METTL15: variants seen among roughly 807,000 people sequenced by gnomAD.
METTL15 encodes the protein methyltransferase 15, mitochondrial 12S rRNA N4-cytidine.
A neutral mutation model predicts 38.3 loss-of-function variants in METTL15; 34 were observed. That is an observed-to-expected ratio of 0.89 (90% CI 0.68 to 1.18). The LOEUF is 1.18. METTL15 is among the 50% of genes most tolerant of loss of function. The pLI, the probability that METTL15 is intolerant of heterozygous loss-of-function variation, is 0.00. For synonymous variants in METTL15, 162 were observed against 170.9 expected (o/e 0.95, Z 0.41); for missense variants, 438 against 498.4 (o/e 0.88, Z 1.15).
intron 4 of METTL15, among the ~76,000 whole-genome samples, chr11:28,256,883 G>T (rs916555741): frequency 2.6e-5 from 4 of 151,882 alleles, no homozygotes; most frequent in African/African-American, 2.4e-5. Context: ...TATCCTACAG[G>T]TTTTGTTATG....
chr11:28,269,012 T>A (rs1855540268), intron 4 of METTL15, among the ~76,000 whole-genome samples: 1 of 152,216 alleles, frequency 6.6e-6, no homozygotes, highest in Non-Finnish European at 1.5e-5. Context: ...TTCTGTTACA[T>A]TTTATTGGAT....
chr11:28,477,970 G>A (rs755455113), intron 6 of METTL15, among the ~76,000 whole-genome samples: 3 of 151,896 alleles, frequency 2.0e-5, no homozygotes, highest in African/African-American at 7.3e-5. Flanking sequence ...TTACATGTTG[G>A]TGGTCTCTGT....
chr11:28,297,205 G>A (rs964108627), intron 6 of METTL15, among the ~76,000 whole-genome samples: 1 of 151,878 alleles, frequency 6.6e-6, no homozygotes, highest in Non-Finnish European at 1.5e-5. Flanking sequence ...TTGTATAATA[G>A]TAGATTTTTA....
rs1590349112 is a variant in METTL15 at position 28,372,586 on chromosome 11, A to G, written c.*358+10550A>G. 2.6e-5 allele frequency among the ~76,000 whole-genome samples: 4 copies of G among 151,086 alleles called. No individual in the cohort carries two copies. In the South Asian group the frequency reaches 8.4e-4, roughly 32 times the overall value. ...TTAAAAATAACAGTAATGTTTCAGCATTCCTCAGAGACCACATTATTCTTT... is the reference window on the plus strand; with the variant it reads ...TTAAAAATAACAGTAATGTTTCAGCGTTCCTCAGAGACCACATTATTCTTT... On this transcript the variant is annotated intron_variant and NMD_transcript_variant, in intron 5 of 7. Coordinates refer to the METTL15 transcript ENST00000532947.
chr11:28,465,711 TTC>T (rs935951984), intron 6 of METTL15, among the ~76,000 whole-genome samples: 2 of 152,174 alleles, frequency 1.3e-5, no homozygotes, highest in African/African-American at 4.8e-5. Context: ...ACTCATCTGT[TTC>T]TCTCCTGATT....
rs568728983 is a variant in METTL15 at position 28,189,134 on chromosome 11, A to T, written c.271-21928A>T. Among the ~76,000 whole-genome samples the T allele has an allele frequency of 2.5e-4, 38 of 151,408 alleles. No homozygotes were observed. The South Asian group carries it at 7.1e-3, about 28-fold the overall frequency. ...TACTTTGCCAATAAATATGTTGTTG[A>T]ATTTTCATTTCCTTCAGAAGCCCAC... On this transcript the variant is annotated intron_variant, in intron 3 of 6. Transcript: ENST00000407364.
chr11:28,525,127 C>CA (rs1246278460), intron 6 of METTL15, among the ~76,000 whole-genome samples: 4 of 152,100 alleles, frequency 2.6e-5, no homozygotes, highest in African/African-American at 7.2e-5. Context: ...CTCATAAAGG[C>CA]GTGTGGACCC....
At chr11:28,203,390 T>G (rs1167257611) in intron 3 of METTL15, among the ~76,000 whole-genome samples, 1 of 152,064 alleles carries the variant, frequency 6.6e-6, no homozygotes, top group African/African-American at 2.4e-5. Context: ...CTTAAAAAAT[T>G]AGGTTGGTAG....
At chr11:28,134,435 C>T in intron 3 of METTL15, 1 of 397,378 alleles carries the variant, frequency 2.5e-6, no homozygotes, top group Non-Finnish European at 4.4e-6. Context: ...GGCAAGGCCC[C>T]TGTGCAAGTT....
chr11:28,402,129 C>T (rs1850635914), intron 5 of METTL15, among the ~76,000 whole-genome samples: 1 of 151,944 alleles, frequency 6.6e-6, no homozygotes, highest in African/African-American at 2.4e-5. Flanking sequence ...ACTTAGGTCT[C>T]TGTTAGGGAA....
At chr11:28,375,090 G>C (rs953153810) in intron 5 of METTL15, among the ~76,000 whole-genome samples, 11 of 149,836 alleles carry the variant, frequency 7.3e-5, no homozygotes, top group African/African-American at 2.7e-4. Flanking sequence ...TATGATTTTT[G>C]CATCAATGTT....
intron 6 of METTL15, among the ~76,000 whole-genome samples, chr11:28,438,672 CTTT>C (rs1171439330): frequency 3.1e-5 from 4 of 128,192 alleles, no homozygotes; most frequent in East Asian, 4.4e-4. Flanking sequence ...TTTCTTTTTT[CTTT>C]TTTTTTTTTT....
chr11:28,190,828 A>G (rs11030235), intron 3 of METTL15, among the ~76,000 whole-genome samples: 57,001 of 151,068 alleles, frequency 0.38, 12,308 homozygotes, highest in African/African-American at 0.59. Flanking sequence ...ATCTTTTAAA[A>G]AACATTTGTA....
chr11:28,155,286 T>C (rs1021809471), intron 3 of METTL15, among the ~76,000 whole-genome samples: 1 of 152,168 alleles, frequency 6.6e-6, no homozygotes, highest in Non-Finnish European at 1.5e-5. Context: ...ACTAGTTTTG[T>C]TAGGCATTGA....
At chr11:28,364,827 T>G (rs1850171013) in intron 5 of METTL15, among the ~76,000 whole-genome samples, 1 of 152,192 alleles carries the variant, frequency 6.6e-6, no homozygotes, top group Non-Finnish European at 1.5e-5. Context: ...CATAGATGGC[T>G]CTTATTATTT....
chr11:28,391,313 T>G (rs1477501836), intron 5 of METTL15, among the ~76,000 whole-genome samples: 2 of 152,084 alleles, frequency 1.3e-5, no homozygotes, highest in East Asian at 3.9e-4. Context: ...GTGCCAGTTT[T>G]CAAAGGGAAT....
intron 6 of METTL15, among the ~76,000 whole-genome samples, chr11:28,316,313 T>A (rs1857479280): frequency 1.3e-5 from 2 of 152,198 alleles, no homozygotes; most frequent in African/African-American, 4.8e-5. Context: ...GCTTTAACAT[T>A]TGACTGCCCT....
At chr11:28,289,955 A>G (rs1461449024) in intron 4 of METTL15, among the ~76,000 whole-genome samples, 1 of 152,174 alleles carries the variant, frequency 6.6e-6, no homozygotes, top group Non-Finnish European at 1.5e-5. Flanking sequence ...AATATATTGT[A>G]TCCCTTCACA....
intron 6 of METTL15, among the ~76,000 whole-genome samples, chr11:28,514,117 A>G (rs1851699922): frequency 6.6e-6 from 1 of 152,158 alleles, no homozygotes; most frequent in Non-Finnish European, 1.5e-5. Context: ...CCCCCATTAC[A>G]CTGTTAGGGT....
Sources: allele counts gnomAD v4.1 joint callset (sites outside exome capture counted in the v4.1 genomes callset), GRCh38; gene constraint gnomAD v4.1.1; transcripts MANE v1.5; gene names NCBI Gene and HGNC (gene_info 2026-07-23, HGNC 2026-07-21).